The following TNRC6B variants were observed in gnomAD, a reference collection of about 807,000 sequenced individuals.
TNRC6B encodes the protein trinucleotide repeat-containing gene 6B protein.
In TNRC6B, 52 loss-of-function variants were observed where a neutral mutation model predicts 203.6. The observed-to-expected ratio is 0.26, with a 90% CI of 0.20 to 0.32. The LOEUF is 0.32. Among genes scored for constraint, TNRC6B ranks in the 10% least tolerant of loss-of-function variants. The pLI is 1.00. For missense variants in TNRC6B, 1,923 were observed against 2,286.2 expected, an observed-to-expected ratio of 0.84 and a Z score of 3.24; for synonymous variants, 838 against 845.7, an observed-to-expected ratio of 0.99 and a Z score of 0.16.
intron 22 of TNRC6B, among the ~76,000 whole-genome samples, chr22:40,322,076 G>T (rs2071341219): frequency 6.6e-6 from 1 of 152,210 alleles, no homozygotes; most frequent in South Asian, 2.1e-4. Context: ...GAGCCCCTGA[G>T]AAAGAGCAGC....
chr22:40,081,662 A>T (rs2068064942), intron 1 of TNRC6B, among the ~76,000 whole-genome samples: 2 of 152,224 alleles, frequency 1.3e-5, no homozygotes, highest in Non-Finnish European at 2.9e-5. Context: ...CAAAATGTGG[A>T]TAATAATAGT....
In TNRC6B at chr22:40,266,736, G is replaced by T; in HGVS notation, c.2506G>T (p.Ala836Ser). The T allele has an allele frequency of 6.2e-7, 1 of 1,613,942 alleles. No individual in the cohort carries two copies. The change falls in exon 5 of 23, where the codon GCT becomes TCT. Residue 836 changes from alanine (A) to serine (S), a missense_variant. Ala to Ser is a moderately conservative substitution (Grantham distance 99). Around this residue, in one of 8 missense-constraint regions of TNRC6B, gnomAD observed 599 missense variants for 656.5 expected, o/e 0.91. Transcript: ENST00000454349. ...GCAGCCGCCGCCACCACAACCAGAG[G>T]CTTCTGGTTCGTGGGGAGGCCCACC... is the stretch of plus-strand genomic sequence containing the variant. ...PQQPPPPQPE[A>S]SGSWGGPPPP... is the part of the protein sequence containing the mutation.
intron 4 of TNRC6B, among the ~76,000 whole-genome samples, chr22:40,166,894 CAAA>C (rs567105023): frequency 7.3e-6 from 1 of 136,538 alleles, no homozygotes. Flanking sequence ...GACTTTGTCT[CAAA>C]AAAAAAAAAA....
intron 1 of TNRC6B, among the ~76,000 whole-genome samples, chr22:40,112,539 G>A (rs1469826241): frequency 6.6e-6 from 1 of 152,188 alleles, no homozygotes; most frequent in Non-Finnish European, 1.5e-5. Flanking sequence ...GATGCCCCTG[G>A]CCCAGTGGCT....
At chr22:40,065,502 T>C (rs1461926801) in intron 1 of TNRC6B, among the ~76,000 whole-genome samples, 1 of 152,162 alleles carries the variant, frequency 6.6e-6, no homozygotes, top group East Asian at 1.9e-4. Context: ...CCTATTCAGA[T>C]TTTCTGTTTC....
chr22:40,140,576 A>G (rs1226891041), intron 3 of TNRC6B, among the ~76,000 whole-genome samples: 1 of 152,216 alleles, frequency 6.6e-6, no homozygotes, highest in African/African-American at 2.4e-5. Context: ...TTTCTAAGAA[A>G]GATATTAAGA....
chr22:40,275,297 A>G (rs1439263846), intron 7 of TNRC6B, among the ~76,000 whole-genome samples: 1 of 152,206 alleles, frequency 6.6e-6, no homozygotes, highest in Non-Finnish European at 1.5e-5. Flanking sequence ...TTGGTTATTT[A>G]CAAATTAACA....
intron 17 of TNRC6B, among the ~76,000 whole-genome samples, chr22:40,311,296 A>C (rs1039090712): frequency 1.3e-5 from 2 of 152,146 alleles, no homozygotes; most frequent in African/African-American, 4.8e-5. Flanking sequence ...TTCTTAGGCA[A>C]GTGTGTATTA....
At chr22:40,095,588 A>AT (rs751492302) in intron 1 of TNRC6B, among the ~76,000 whole-genome samples, 15 of 152,006 alleles carry the variant, frequency 9.9e-5, no homozygotes, top group Non-Finnish European at 1.9e-4. Context: ...TGTAACCATG[A>AT]TTTGTGACCA....
At chr22:40,274,498 G>A (rs1408661613) in intron 7 of TNRC6B, among the ~76,000 whole-genome samples, 1 of 150,012 alleles carries the variant, frequency 6.7e-6, no homozygotes, top group African/African-American at 2.5e-5. Context: ...TCAGCTCACT[G>A]CAAGCTCTGC....
intron 1 of TNRC6B, among the ~76,000 whole-genome samples, chr22:40,242,055 C>A (rs1601913332): frequency 6.6e-6 from 1 of 152,076 alleles, no homozygotes; most frequent in South Asian, 2.1e-4. Flanking sequence ...AGCTCTTGTT[C>A]CAGAGAACTC....
At chr22:40,200,852 C>T (rs2069403202) in intron 1 of TNRC6B, among the ~76,000 whole-genome samples, 1 of 152,164 alleles carries the variant, frequency 6.6e-6, no homozygotes, top group Admixed American at 6.5e-5. Flanking sequence ...GCCATCATTT[C>T]TTTAAGTTCC....
At chr22:40,243,759 G>A (rs576205997) in intron 1 of TNRC6B, among the ~76,000 whole-genome samples, 50 of 152,020 alleles carry the variant, frequency 3.3e-4, no homozygotes, top group Middle Eastern at 6.8e-3. Context: ...TAATTTGTGT[G>A]TTTTTAGTAG....
chr22:40,105,444 C>T (rs985538182), intron 1 of TNRC6B, among the ~76,000 whole-genome samples: 1 of 152,192 alleles, frequency 6.6e-6, no homozygotes. Context: ...TCCTTCCTCT[C>T]CCACCTACAG....
intron 5 of TNRC6B, among the ~76,000 whole-genome samples, chr22:40,267,784 G>A (rs976171861): frequency 4.6e-5 from 7 of 152,026 alleles, no homozygotes; most frequent in Admixed American, 1.3e-4. Flanking sequence ...TAAGAGGATC[G>A]CCTAAGCCCT....
intron 1 of TNRC6B, chr22:40,107,170 C>A: frequency 1.9e-6 from 1 of 538,330 alleles, no homozygotes; most frequent in Non-Finnish European, 3.3e-6. Context: ...CTTTTTGTAT[C>A]CTATTTAAGA....
At chr22:40,317,951 G>C (rs1258362987) in intron 21 of TNRC6B, among the ~76,000 whole-genome samples, 1 of 152,152 alleles carries the variant, frequency 6.6e-6, no homozygotes, top group African/African-American at 2.4e-5. Context: ...ACATTTTCCA[G>C]AGTGTTGTCA....
rs1449931738 is a variant in TNRC6B at position 40,302,523 on chromosome 22, C to T, written c.4120+1190C>T. 2.0e-5 allele frequency among the ~76,000 whole-genome samples: 3 copies of T among 151,950 alleles called. No homozygotes were observed. The East Asian group carries it at 5.8e-4, about 29-fold the overall frequency. The stretch of plus-strand genomic sequence containing the variant: ...TGGCATGCGCCTCTAATCCCAGCTA[C>T]TGGGGAGGCTGAGGCAGGAGAATCA... On this transcript the variant is annotated intron_variant, in intron 15 of 22. Transcript: ENST00000454349.
intron 21 of TNRC6B, among the ~76,000 whole-genome samples, chr22:40,317,845 T>A (rs1238835290): frequency 6.6e-6 from 1 of 152,226 alleles, no homozygotes; most frequent in Non-Finnish European, 1.5e-5. Context: ...CAACACCTTG[T>A]TAAAAGGAGT....
Sources: gnomAD v4.1 joint callset for allele counts (sites outside exome capture counted in the v4.1 genomes callset) on GRCh38, gnomAD v4.1.1 for gene constraint, gnomAD v4.1.1 regional missense constraint, MANE v1.5 for transcripts, NCBI Gene and HGNC (gene_info 2026-07-23, HGNC 2026-07-21) for gene names.